Variants in FOXN3 observed in about 807,000 individuals in gnomAD.
FOXN3 encodes forkhead box protein N3.
In FOXN3, 7 loss-of-function variants were observed where a neutral mutation model predicts 38.4. That is an observed-to-expected ratio of 0.18 (90% confidence interval 0.10 to 0.34). The LOEUF (loss-of-function observed/expected upper bound fraction) is 0.34, where lower values mean the gene tolerates loss of function less well. Among genes scored for constraint, FOXN3 ranks in the 10% least tolerant of loss-of-function variants. The pLI is 1.00. For synonymous variants in FOXN3, 230 were observed against 242.2 expected (o/e 0.95, Z 0.47); for missense variants, 456 against 613.4 (o/e 0.74, Z 2.71).
intron 3 of FOXN3, among the ~76,000 whole-genome samples, chr14:89,334,026 T>C (rs1481534655): frequency 3.1e-5 from 4 of 127,156 alleles, no homozygotes; most frequent in East Asian, 4.8e-4. Flanking sequence ...AAATGTGGTA[T>C]ACACACACAC....
chr14:89,514,973 G>A (rs1894173333), intron 1 of FOXN3, among the ~76,000 whole-genome samples: 1 of 151,628 alleles, frequency 6.6e-6, no homozygotes. Flanking sequence ...AGGCTGGAGT[G>A]CAGCAGCACA....
At chr14:89,485,924 C>T (rs1010181553) in intron 1 of FOXN3, among the ~76,000 whole-genome samples, 1 of 152,194 alleles carries the variant, frequency 6.6e-6, no homozygotes, top group East Asian at 1.9e-4. Context: ...CAAAGCCCAA[C>T]TGAGGCCCTC....
At chr14:89,174,338 C>A (rs112532139) in intron 5 of FOXN3, among the ~76,000 whole-genome samples, 1 of 152,114 alleles carries the variant, frequency 6.6e-6, no homozygotes, top group Non-Finnish European at 1.5e-5. Context: ...AGGTAAAGGA[C>A]GTCCAGGGGC....
chr14:89,524,371 C>CAAAAAAAAAAAAAAAAAAA (rs1301922423), intron 1 of FOXN3, among the ~76,000 whole-genome samples: 2 of 6,572 alleles, frequency 3.0e-4, no homozygotes, highest in Non-Finnish European at 7.2e-4. Context: ...GACTCCATCT[C>CAAAAAAAAAAAAAAAAAAA]AAAAAAAAAA....
intron 4 of FOXN3, among the ~76,000 whole-genome samples, chr14:89,224,961 G>A (rs1472663108): frequency 6.7e-6 from 1 of 149,560 alleles, no homozygotes; most frequent in Non-Finnish European, 1.5e-5. Context: ...AAACCCCATC[G>A]CTGCTAAAAA....
At chr14:89,347,091 A>G (rs992028636) in intron 3 of FOXN3, among the ~76,000 whole-genome samples, 3 of 151,872 alleles carry the variant, frequency 2.0e-5, no homozygotes, top group African/African-American at 7.3e-5. Flanking sequence ...CCCTTAAGAA[A>G]AGGGTTGCTA....
At chr14:89,346,824 CTT>C (rs1888772518) in intron 3 of FOXN3, among the ~76,000 whole-genome samples, 1 of 152,100 alleles carries the variant, frequency 6.6e-6, no homozygotes, top group South Asian at 2.1e-4. Flanking sequence ...AATTGTGTCT[CTT>C]CTCTCATTTA....
intron 4 of FOXN3, among the ~76,000 whole-genome samples, chr14:89,191,966 ATATATATAACT>A (rs1887959091): frequency 1.4e-5 from 1 of 71,846 alleles, no homozygotes; most frequent in African/African-American, 1.0e-4. Flanking sequence ...ATATATACAC[ATATATATAACT>A]ATAATATATA....
chr14:89,516,125 C>T (rs1216639327), intron 1 of FOXN3, among the ~76,000 whole-genome samples: 1 of 141,406 alleles, frequency 7.1e-6, no homozygotes, highest in African/African-American at 2.4e-5. Flanking sequence ...AGGCAGCGTA[C>T]ACAGCATTAT....
chr14:89,244,585 T>C (rs1179781566), intron 4 of FOXN3, among the ~76,000 whole-genome samples: 1 of 152,226 alleles, frequency 6.6e-6, no homozygotes, highest in Non-Finnish European at 1.5e-5. Flanking sequence ...CCCTTCAGGA[T>C]AAGACCAGTA....
At chr14:89,461,728 G>C (rs1054672023) in intron 1 of FOXN3, among the ~76,000 whole-genome samples, 1 of 152,170 alleles carries the variant, frequency 6.6e-6, no homozygotes, top group African/African-American at 2.4e-5. Context: ...CCCAGAGCTG[G>C]TGTAGTCAGG....
intron 1 of FOXN3, among the ~76,000 whole-genome samples, chr14:89,520,779 A>C (rs1304982804): frequency 2.0e-5 from 3 of 152,214 alleles, no homozygotes; most frequent in Non-Finnish European, 4.4e-5. Context: ...AGAAATAAGA[A>C]AATAGAGCCT....
chr14:89,588,750 A>G lies in FOXN3; in HGVS notation c.-15+30278T>C, dbSNP rs188676890. 9.9e-4 allele frequency among the ~76,000 whole-genome samples: 151 copies of G among 152,324 alleles called. No homozygotes were observed. In the East Asian group the frequency reaches 0.028, roughly 28 times the overall value. ...GAAGATATGTGATTTAAGACATAGC[A>G]GGGGTAGGGCTGCTGTCTTCATGAA... On this transcript the variant is annotated intron_variant, in intron 1 of 6. Coordinates refer to the FOXN3 transcript ENST00000345097.
At chr14:89,294,067 C>T (rs1321954613) in intron 3 of FOXN3, among the ~76,000 whole-genome samples, 1 of 152,168 alleles carries the variant, frequency 6.6e-6, no homozygotes, top group African/African-American at 2.4e-5. Context: ...GCCTCCAGTC[C>T]CCATTGGGGC....
chr14:89,561,383 T>C (rs1419566932), intron 1 of FOXN3, among the ~76,000 whole-genome samples: 5 of 152,186 alleles, frequency 3.3e-5, no homozygotes, highest in Non-Finnish European at 5.9e-5. Flanking sequence ...CAGCTAACTT[T>C]TTGTATTTAG....
intron 1 of FOXN3, among the ~76,000 whole-genome samples, chr14:89,613,304 C>T (rs756177274): frequency 6.6e-6 from 1 of 152,136 alleles, no homozygotes; most frequent in Non-Finnish European, 1.5e-5. Flanking sequence ...TCAGCAAGGT[C>T]CTGGTAACTG....
chr14:89,334,011 T>C (rs968042249), intron 3 of FOXN3, among the ~76,000 whole-genome samples: 5 of 52,172 alleles, frequency 9.6e-5, no homozygotes, highest in Non-Finnish European at 1.6e-4. Flanking sequence ...TATATATATG[T>C]ATATAAATGT....
At chr14:89,483,252 T>C (rs1893377232) in intron 1 of FOXN3, among the ~76,000 whole-genome samples, 1 of 151,994 alleles carries the variant, frequency 6.6e-6, no homozygotes. Context: ...CTCCTTCACA[T>C]GTTGCAGCAG....
In FOXN3 at chr14:89,544,014, T is replaced by C. The variant is rs149148683; in HGVS notation, c.-15+75014A>G. Among the ~76,000 whole-genome samples, 482 of 152,320 alleles carry C rather than the reference T, an allele frequency of 3.2e-3. 7 individuals are homozygous for C. The highest frequency in any genetic ancestry group is 0.011 in the African/African-American group (460 of 41,572). On this transcript the variant is annotated intron_variant, in intron 1 of 6. Transcript: ENST00000345097. ...AAATGCATCTTTATGCCTGGTATTC[T>C]GCTTTTTAATTTTGTATTTTTAATT...
Sources: gnomAD v4.1 joint callset for allele counts (sites outside exome capture counted in the v4.1 genomes callset) on GRCh38, gnomAD v4.1.1 for gene constraint, MANE v1.5 for transcripts, NCBI Gene and HGNC (gene_info 2026-07-23, HGNC 2026-07-21) for gene names.